GSTM4: variants seen among roughly 807,000 people sequenced by gnomAD.
GSTM4 encodes GST class-mu 4.
A neutral mutation model predicts 30.1 loss-of-function variants in GSTM4; 27 were observed. The ratio of observed to expected loss-of-function variants is 0.90; its 90% CI spans 0.66 to 1.24. GSTM4 has a LOEUF of 1.24. GSTM4 is among the 50% of genes most tolerant of loss of function. GSTM4 has a pLI of 0.00. For synonymous variants in GSTM4, 94 were observed against 96.2 expected (o/e 0.98, Z 0.13); for missense variants, 238 against 272.1 (o/e 0.87, Z 0.88).
chr1:109,659,194 A>C, intron 7 of GSTM4, 84 bp downstream of exon 7: 1 of 1,614,202 alleles, frequency 6.2e-7, no homozygotes, highest in Non-Finnish European at 8.5e-7. Flanking sequence ...GGAGCTACAT[A>C]AAGAATAACT....
chr1:109,659,591 C>T (rs190344320), intron 7 of GSTM4: 79 of 398,736 alleles, frequency 2.0e-4, no homozygotes, highest in African/African-American at 1.5e-3. Flanking sequence ...AGTACGAAAC[C>T]CACAGGCAGT....
intron 3 of GSTM4, 96 bp from the exon 4 acceptor site, chr1:109,657,494 T>C (rs1280413233): frequency 6.4e-7 from 1 of 1,555,998 alleles, no homozygotes; most frequent in Non-Finnish European, 8.9e-7. Context: ...GCGGGCACAG[T>C]GAGTGCCTGG....
intron 7 of GSTM4, chr1:109,659,737 T>G: frequency 2.3e-6 from 1 of 434,466 alleles, no homozygotes; most frequent in Admixed American, 2.6e-5. Flanking sequence ...TGAAGTGCTC[T>G]GTGCTGGGGC....
downstream of GSTM4, among the ~76,000 whole-genome samples, chr1:109,662,613 C>T (rs944782790): frequency 2.0e-5 from 3 of 152,092 alleles, no homozygotes; most frequent in Admixed American, 6.5e-5. Context: ...CAGGCATTTC[C>T]GAAAAATGAA....
intron 2 of GSTM4, 84 bp downstream of exon 2, chr1:109,656,871 C>T (rs766284872): frequency 7.6e-7 from 1 of 1,308,526 alleles, no homozygotes; most frequent in Admixed American, 1.7e-5. Flanking sequence ...GTGGCTACCT[C>T]TGCAGGCCTC....
chr1:109,665,329 C>T, downstream of GSTM4: 2 of 479,974 alleles, frequency 4.2e-6, no homozygotes, highest in Non-Finnish European at 7.5e-6. Flanking sequence ...CCATCGCCTC[C>T]CACCCCCACC....
chr1:109,664,877 T>A, downstream of GSTM4: 1 of 878,982 alleles, frequency 1.1e-6, no homozygotes, highest in Non-Finnish European at 1.9e-6. Flanking sequence ...GAATCTCCTG[T>A]ATAAAACTCT....
In GSTM4 at chr1:109,656,224, T is replaced by C; in HGVS notation, c.-166T>C. On this transcript the variant is annotated 5_prime_UTR_variant, in exon 1 of 8. Transcript: ENST00000369836. ...GCCTGTTGGTTGGAAGTGACGACCT[T>C]GAAGATCGGCCGGTTGGAAGTGACG... 2.7e-6 allele frequency: 2 copies of C among 732,580 alleles called. No individual in the cohort carries two copies. Among genetic ancestry groups the C allele is most frequent in the African/African-American group, 1.8e-5 (1 of 56,758 alleles). 45.4% of individuals were successfully genotyped at this position (732,580 alleles called of 1,614,324 possible).
intron 7 of GSTM4, 94 bp downstream of exon 7, chr1:109,659,204 T>G: frequency 6.2e-7 from 1 of 1,614,184 alleles, no homozygotes; most frequent in Non-Finnish European, 8.5e-7. Context: ...AAAGAATAAC[T>G]TGCATTTATT....
At chr1:109,658,704 G>A (rs1217029721) in intron 5 of GSTM4, 110 bp from the exon 6 acceptor site, 32 of 775,584 alleles carry the variant, frequency 4.1e-5, no homozygotes, top group Admixed American at 1.6e-4. Context: ...CAGCTGTGGG[G>A]AAGATGGCTG....
At chr1:109,661,779 G>C, downstream of GSTM4, 2 of 883,742 alleles carry the variant, frequency 2.3e-6, no homozygotes, top group Non-Finnish European at 2.8e-6. Flanking sequence ...ACTGGCTGGT[G>C]ACCCTGGCAG....
chr1:109,663,834 C>T (rs569660460), downstream of GSTM4, among the ~76,000 whole-genome samples: 4 of 152,314 alleles, frequency 2.6e-5, no homozygotes, highest in African/African-American at 4.8e-5. Context: ...TCTTCTTGTT[C>T]GCTGATGTAA....
In GSTM4 at chr1:109,661,219, C is replaced by T. The variant is rs112611763; in HGVS notation, c.622C>T (p.Leu208=). 3.1e-6 allele frequency: 5 copies of T among 1,606,044 alleles called. No homozygotes were observed. Among genetic ancestry groups the T allele is most frequent in the Non-Finnish European group, 4.2e-6 (5 of 1,177,648 alleles). The change falls in exon 8 of 8, where the codon CTG becomes TTG. Residue 208 remains leucine (L), a synonymous_variant. Coordinates refer to ENST00000369836, the MANE Select transcript of GSTM4 (RefSeq NM_000850.5). ...GTCCAGCCGCTTCCTCCCAAAACCT[C>T]TGTACACAAGGGTGGCTGTCTGGGG... ...MKSSRFLPKP[L]YTRVAVWGNK
At chr1:109,656,523 A>T in intron 1 of GSTM4, 98 bp downstream of exon 1, 1 of 1,227,934 alleles carries the variant, frequency 8.1e-7, no homozygotes, top group Non-Finnish European at 1.2e-6. Context: ...CCTTAGGGCT[A>T]TCTCTCACAG....
At chr1:109,664,998 G>A (rs762293950), downstream of GSTM4, 6 of 1,610,996 alleles carry the variant, frequency 3.7e-6, no homozygotes, top group Non-Finnish European at 4.2e-6. Flanking sequence ...AATTAATTAT[G>A]ATTCTGTTCT....
chr1:109,659,394 G>C (rs1570619492), intron 7 of GSTM4: 2 of 1,451,774 alleles, frequency 1.4e-6, no homozygotes, highest in East Asian at 5.0e-5. Context: ...GCTGTGCTGG[G>C]CTCCCTGTGA....
At chr1:109,661,102 G>C in intron 7 of GSTM4, 63 bp from the exon 8 acceptor site, 1 of 1,595,358 alleles carries the variant, frequency 6.3e-7, no homozygotes, top group South Asian at 1.1e-5. Flanking sequence ...GTCTGCAGTG[G>C]GGTTGTCCCA....
At chr1:109,662,675 C>G (rs1652358597), downstream of GSTM4, among the ~76,000 whole-genome samples, 1 of 152,170 alleles carries the variant, frequency 6.6e-6, no homozygotes, top group Non-Finnish European at 1.5e-5. Flanking sequence ...TATTAGAAAG[C>G]AGAAAGTTAA....
chr1:109,656,335 G>C lies in GSTM4; in HGVS notation c.-55G>C, dbSNP rs921064370. On this transcript the variant is annotated 5_prime_UTR_variant, in exon 1 of 8. Coordinates refer to ENST00000369836, the MANE Select transcript of GSTM4 (RefSeq NM_000850.5). ...CCTGCGTGCCGGGAACCCCAGAGGA[G>C]GTCGCAGTTCAGCCCAGCTGAGGCC... is the stretch of plus-strand genomic sequence containing the variant. 5.1e-6 allele frequency: 8 copies of C among 1,580,306 alleles called. No individual in the cohort carries two copies. In the African/African-American group the frequency reaches 1.1e-4, roughly 21 times the overall value.
Sources: gnomAD v4.1 joint callset for allele counts (sites outside exome capture counted in the v4.1 genomes callset) on GRCh38, gnomAD v4.1.1 for gene constraint, MANE v1.5 for transcripts, NCBI Gene and HGNC (gene_info 2026-07-23, HGNC 2026-07-21) for gene names.